The following CTNNA3 variants were observed in gnomAD, a reference collection of about 807,000 sequenced individuals.
CTNNA3 encodes catenin alpha-3.
Under a neutral mutation model 95.7 loss-of-function variants are expected in CTNNA3, and 76 were observed. The ratio of observed to expected loss-of-function variants is 0.79; its 90% CI spans 0.66 to 0.96. The LOEUF (loss-of-function observed/expected upper bound fraction) is 0.96. Among genes scored for constraint, CTNNA3 ranks in the 40% least tolerant of loss-of-function variants. CTNNA3 has a pLI of 0.00. For synonymous variants in CTNNA3, 431 were observed against 374.4 expected, an observed-to-expected ratio of 1.15 and a Z score of -1.74; for missense variants, 1,191 against 1,089.8, an observed-to-expected ratio of 1.09 and a Z score of -1.31.
chr10:67,002,865 AACTAG>A (rs1336587377), intron 7 of CTNNA3, among the ~76,000 whole-genome samples: 17 of 152,318 alleles, frequency 1.1e-4, no homozygotes, highest in African/African-American at 3.8e-4. Context: ...TTTTTTAATA[AACTAG>A]ACTAGGAAAG....
chr10:66,318,803 A>G (rs2092139705), intron 12 of CTNNA3, among the ~76,000 whole-genome samples: 1 of 152,124 alleles, frequency 6.6e-6, no homozygotes, highest in Non-Finnish European at 1.5e-5. Flanking sequence ...TTGGTAAAAT[A>G]ATTCTGATGC....
chr10:65,935,658 G>A (rs535813499), intron 17 of CTNNA3, among the ~76,000 whole-genome samples: 14 of 152,228 alleles, frequency 9.2e-5, no homozygotes, highest in South Asian at 6.2e-4. Context: ...TGGGTTCAGC[G>A]AAATGGTTGT....
intron 7 of CTNNA3, among the ~76,000 whole-genome samples, chr10:66,880,630 A>T (rs1227865604): frequency 6.6e-6 from 1 of 152,122 alleles, no homozygotes; most frequent in Non-Finnish European, 1.5e-5. Flanking sequence ...AAAAAATGGC[A>T]CTAACACATC....
intron 3 of CTNNA3, among the ~76,000 whole-genome samples, chr10:67,559,555 A>C (rs923594284): frequency 6.6e-5 from 10 of 152,274 alleles, no homozygotes; most frequent in African/African-American, 2.4e-4. Flanking sequence ...CAGAGCAGAA[A>C]AACTGGAAAC....
chr10:67,477,455 TATACCCAGCTGCACTGACC>T (rs1848060871), intron 5 of CTNNA3, among the ~76,000 whole-genome samples: 1 of 151,940 alleles, frequency 6.6e-6, no homozygotes, highest in Admixed American at 6.6e-5. Flanking sequence ...TGATCAAATA[TATACCCAGCTGCACTGACC>T]ATAGCCAGCT....
chr10:67,634,610 C>G (rs767029381), intron 2 of CTNNA3, among the ~76,000 whole-genome samples: 1 of 151,828 alleles, frequency 6.6e-6, no homozygotes, highest in Non-Finnish European at 1.5e-5. Context: ...CACATCAGCT[C>G]AAAATAAAGG....
chr10:66,197,425 G>T (rs1298618602), intron 13 of CTNNA3, among the ~76,000 whole-genome samples: 1 of 151,796 alleles, frequency 6.6e-6, no homozygotes, highest in Non-Finnish European at 1.5e-5. Flanking sequence ...ACATGCAAAA[G>T]AAATGATCAG....
At chr10:66,378,829 C>T (rs754779731) in intron 12 of CTNNA3, among the ~76,000 whole-genome samples, 3 of 152,130 alleles carry the variant, frequency 2.0e-5, no homozygotes, top group Non-Finnish European at 4.4e-5. Context: ...GGTTTGGTGA[C>T]TATCACATAC....
chr10:67,496,189 C>T (rs1447882357), intron 5 of CTNNA3, among the ~76,000 whole-genome samples: 1 of 152,084 alleles, frequency 6.6e-6, no homozygotes, highest in East Asian at 1.9e-4. Context: ...CCTTCTAAAA[C>T]AAAATGATAT....
chr10:65,937,386 C>T (rs1253128682), intron 17 of CTNNA3, among the ~76,000 whole-genome samples: 1 of 152,098 alleles, frequency 6.6e-6, no homozygotes, highest in East Asian at 1.9e-4. Context: ...TATGATTTTG[C>T]CAATCTTATT....
intron 5 of CTNNA3, among the ~76,000 whole-genome samples, chr10:67,391,295 C>G (rs942617777): frequency 1.3e-5 from 2 of 151,566 alleles, no homozygotes; most frequent in East Asian, 3.9e-4. Flanking sequence ...TGAGTGAACT[C>G]CCATTCACAA....
At chr10:66,080,419 T>C (rs1394276277) in intron 14 of CTNNA3, among the ~76,000 whole-genome samples, 1 of 152,180 alleles carries the variant, frequency 6.6e-6, no homozygotes, top group Non-Finnish European at 1.5e-5. Flanking sequence ...ATATATGTCA[T>C]TTGTGTACAT....
intron 6 of CTNNA3, among the ~76,000 whole-genome samples, chr10:67,217,394 C>G (rs147565235): frequency 8.0e-4 from 122 of 152,272 alleles, no homozygotes; most frequent in Middle Eastern, 3.4e-3. Context: ...GCATTTTTTA[C>G]TAGTTTGTGC....
intron 5 of CTNNA3, among the ~76,000 whole-genome samples, chr10:67,276,696 A>G (rs995350020): frequency 9.2e-5 from 14 of 152,102 alleles, no homozygotes; most frequent in Admixed American, 8.5e-4. Flanking sequence ...GCTTCAAAAT[A>G]ATATGTGAGG....
In CTNNA3 at chr10:66,176,959, GA is replaced by G. The variant is rs35280540; in HGVS notation, c.1885-73711del. ...GGAAACTGCAAATAGTTTCTTAAGG[GA>G]AAAAAAAAAGTGTTCTTACTTAAAA... On this transcript the variant is annotated intron_variant, in intron 13 of 17. Transcript: ENST00000433211. 2.4e-3 allele frequency among the ~76,000 whole-genome samples: 351 copies of G among 148,808 alleles called. 2 individuals carry two copies. Among genetic ancestry groups the G allele is most frequent in the African/African-American group, 7.9e-3 (320 of 40,526 alleles).
chr10:66,374,204 A>G (rs2092775860), intron 12 of CTNNA3, among the ~76,000 whole-genome samples: 1 of 152,204 alleles, frequency 6.6e-6, no homozygotes, highest in Non-Finnish European at 1.5e-5. Context: ...ATTACAATCT[A>G]GTGGGAGAAA....
intron 11 of CTNNA3, among the ~76,000 whole-genome samples, chr10:66,420,835 A>AATTAATTAATTAATTAATT (rs1652537233): frequency 3.2e-5 from 3 of 93,008 alleles, no homozygotes; most frequent in African/African-American, 1.2e-4. Context: ...ATAAATAAAT[A>AATTAATTAATTAATTAATT]AATAAAAAAC....
chr10:66,250,034 T>C (rs2090487918), intron 13 of CTNNA3, among the ~76,000 whole-genome samples: 1 of 152,144 alleles, frequency 6.6e-6, no homozygotes, highest in Non-Finnish European at 1.5e-5. Context: ...GAAAATGTAG[T>C]ACATATACAC....
chr10:65,982,267 C>T (rs1362722570), intron 16 of CTNNA3, among the ~76,000 whole-genome samples: 7 of 150,558 alleles, frequency 4.6e-5, no homozygotes, highest in East Asian at 1.9e-4. Context: ...CACTAATTAT[C>T]GGGGAAATGC....
Sources: allele counts gnomAD v4.1 joint callset (sites outside exome capture counted in the v4.1 genomes callset), GRCh38; gene constraint gnomAD v4.1.1; transcripts MANE v1.5; gene names NCBI Gene and HGNC (gene_info 2026-07-23, HGNC 2026-07-21).